Variants in MBTD1 observed in about 807,000 individuals in gnomAD.
The protein encoded by MBTD1 is MBT domain-containing protein 1.
MBTD1 carries 24 observed loss-of-function variants against 87.8 expected under a neutral mutation model. The ratio of observed to expected loss-of-function variants is 0.27; its 90% confidence interval spans 0.20 to 0.38. MBTD1 has a LOEUF of 0.38. Ranked by LOEUF, MBTD1 falls within the 10% of genes least tolerant of loss-of-function variation. MBTD1 has a pLI of 1.00. For missense variants in MBTD1, 436 were observed against 760.2 expected (o/e 0.57, Z 5.02); for synonymous variants, 237 against 248.6 (o/e 0.95, Z 0.44).
At chr17:51,183,664 CTTCCT>C (rs2050415238) in intron 16 of MBTD1, 1 of 152,172 alleles carries the variant, frequency 6.6e-6, no homozygotes, top group South Asian at 2.1e-4. Context: ...GCAGTTAGTT[CTTCCT>C]TTCATTAAAA....
intron 5 of MBTD1, among the ~76,000 whole-genome samples, 171 bp from the exon 6 acceptor site, chr17:51,217,587 T>C (rs891108632): frequency 1.3e-5 from 2 of 152,202 alleles, no homozygotes; most frequent in Non-Finnish European, 2.9e-5. Context: ...CTTTGGCTTA[T>C]ATCATATTTG....
chr17:51,198,869 C>T (rs1042339137), intron 12 of MBTD1, among the ~76,000 whole-genome samples: 3 of 152,342 alleles, frequency 2.0e-5, no homozygotes, highest in African/African-American at 2.4e-5. Context: ...GTGGCTCGAT[C>T]TCAGCTCACT....
In MBTD1 at chr17:51,195,220, G is replaced by A; in HGVS notation, c.1366C>T (p.Pro456Ser). 1 of 1,611,170 alleles carries A rather than the reference G, an allele frequency of 6.2e-7. No homozygotes were observed. The highest frequency in any genetic ancestry group is 8.5e-7 in the Non-Finnish European group (1 of 1,179,120). Reference sequence around the variant, plus strand: ...TTATATTAGGATGAAGTACCTCTGGGTGGAGTAAGTTCAATCATGTTAATT... The same window carrying A: ...TTATATTAGGATGAAGTACCTCTGGATGGAGTAAGTTCAATCATGTTAATT... ...CEINMIELTP[P>S]RGYTKLPFKW... Residue 456 changes from proline (P) to serine (S), a missense_variant, in exon 13 of 17, where the codon CCC becomes TCC. Physicochemically the swap from Pro to Ser is moderately conservative, Grantham distance 74. This residue lies in a region of MBTD1 where 80 missense variants were observed against 182.2 expected (regional missense o/e 0.44). Coordinates refer to ENST00000586178, the MANE Select transcript of MBTD1 (RefSeq NM_017643.3).
upstream of MBTD1, chr17:51,260,950 G>A (rs953725339): frequency 2.0e-5 from 30 of 1,497,802 alleles, no homozygotes; most frequent in East Asian, 2.8e-5. Flanking sequence ...CGGCGCGCGG[G>A]CTGGGCGCAC....
intron 2 of MBTD1, among the ~76,000 whole-genome samples, chr17:51,258,214 T>C (rs913461901): frequency 3.9e-5 from 6 of 152,200 alleles, no homozygotes; most frequent in African/African-American, 1.4e-4. Flanking sequence ...TTAAATCACA[T>C]GCATTATTTC....
At chr17:51,194,592 A>AAAAAAAAAAAAAAAAAAAAC (rs2050985534) in intron 13 of MBTD1, among the ~76,000 whole-genome samples, 1 of 148,012 alleles carries the variant, frequency 6.8e-6, no homozygotes. Context: ...AAAAAAAAAA[A>AAAAAAAAAAAAAAAAAAAAC]GTCCACATGG....
intron 7 of MBTD1, 82 bp downstream of exon 7, chr17:51,206,806 C>T: frequency 1.0e-6 from 1 of 1,003,806 alleles, no homozygotes; most frequent in Non-Finnish European, 1.5e-6. Flanking sequence ...GCAATACTTG[C>T]AAAATTTATA....
chr17:51,201,586 T>A lies in MBTD1; in HGVS notation c.1224+6A>T. On this transcript the variant is annotated splice_donor_region_variant and intron_variant, in intron 12 of 16. Transcript: ENST00000586178. Reference sequence around the variant, plus strand: ...CATTTCTATATTTTAAAACCTATTATCTTACCTTTCTAATGGTTGCGACAC... The same window carrying A: ...CATTTCTATATTTTAAAACCTATTAACTTACCTTTCTAATGGTTGCGACAC... 1 of 1,555,764 alleles carries A rather than the reference T, an allele frequency of 6.4e-7. No homozygotes were observed. Among genetic ancestry groups the A allele is most frequent in the East Asian group, 2.2e-5 (1 of 44,470 alleles).
Position 51,180,699 on chromosome 17 carries a change from A to G in MBTD1, c.1769-5T>C. ...CCTTCAGCTGCAGTGTTGTCACTGA[A>G]TGAAAGAGAGAGAAACATATGGGCA... On this transcript the variant is annotated splice_polypyrimidine_tract_variant and splice_region_variant and intron_variant, in intron 16 of 16. Transcript: ENST00000586178. The G allele has an allele frequency of 6.8e-7, 1 of 1,473,220 alleles. No homozygotes were observed. Among genetic ancestry groups the G allele is most frequent in the Non-Finnish European group, 9.3e-7 (1 of 1,075,598 alleles). 91.3% of individuals were successfully genotyped at this position (1,473,220 alleles called of 1,614,324 possible). A position where few individuals can be genotyped will look rare whatever the true frequency, so the allele number is the denominator to read the frequency against.
rs2144359379 is a variant in MBTD1 at position 51,259,821 on chromosome 17, C to G, written c.-113+14G>C. Reference sequence around the variant, plus strand: ...CACCTGGCACACAAAGCGGCTGCCGCGCTCGGCTCTCACCAGATCCTTTGT... The same window carrying G: ...CACCTGGCACACAAAGCGGCTGCCGGGCTCGGCTCTCACCAGATCCTTTGT... On this transcript the variant is annotated intron_variant, in intron 1 of 16. Coordinates refer to ENST00000586178, the MANE Select transcript of MBTD1 (RefSeq NM_017643.3). 1 of 1,232,516 alleles carries G rather than the reference C, an allele frequency of 8.1e-7. No homozygotes were observed. Among genetic ancestry groups the G allele is most frequent in the Non-Finnish European group, 1.0e-6 (1 of 988,346 alleles). The allele number at this position is 1,232,516 out of a possible 1,614,324, so 76.3% of individuals were successfully genotyped here. A position where few individuals can be genotyped will look rare whatever the true frequency, so the allele number is the denominator to read the frequency against.
chr17:51,243,981 A>G (rs932009738), intron 2 of MBTD1, among the ~76,000 whole-genome samples: 4 of 152,206 alleles, frequency 2.6e-5, no homozygotes, highest in Non-Finnish European at 5.9e-5. Flanking sequence ...CCAGAGTCAC[A>G]AGATTCCTAT....
intron 16 of MBTD1, among the ~76,000 whole-genome samples, chr17:51,181,662 C>T (rs1252140725): frequency 6.6e-6 from 1 of 152,050 alleles, no homozygotes; most frequent in African/African-American, 2.4e-5. Context: ...GTGTACCTCT[C>T]CTCCTACCAA....
chr17:51,179,498 A>ATATATATTTT lies in MBTD1; in HGVS notation c.*1077_*1078insAAAATATATA, dbSNP rs1555673737. The ATATATATTTT allele has an allele frequency of 3.4e-5, 2 of 58,434 alleles. No individual in the cohort carries two copies. Among genetic ancestry groups the ATATATATTTT allele is most frequent in the Non-Finnish European group, 4.0e-5 (1 of 25,306 alleles). The allele number at this position is 58,434 out of a possible 1,614,324, so 3.6% of individuals were successfully genotyped here. On this transcript the variant is annotated 3_prime_UTR_variant, in exon 17 of 17. Coordinates refer to ENST00000586178, the MANE Select transcript of MBTD1 (RefSeq NM_017643.3). ...TAAAGACAATTTTATATATATATAT[A>ATATATATTTT]TATATATATATATATATATATATAT... is the stretch of plus-strand genomic sequence containing the variant.
At chr17:51,210,892 T>C (rs187496474) in intron 6 of MBTD1, among the ~76,000 whole-genome samples, 443 of 152,294 alleles carry the variant, frequency 2.9e-3, no homozygotes, top group Non-Finnish European at 4.5e-3. Flanking sequence ...CGCCAAGGAC[T>C]TTGGGAGGCC....
At chr17:51,252,255 C>A (rs926091197) in intron 2 of MBTD1, among the ~76,000 whole-genome samples, 3 of 152,136 alleles carry the variant, frequency 2.0e-5, no homozygotes, top group Middle Eastern at 3.2e-3. Context: ...GATCATATAA[C>A]CACCATGAAC....
intron 6 of MBTD1, among the ~76,000 whole-genome samples, chr17:51,212,153 T>A (rs1341240017): frequency 6.6e-6 from 1 of 151,528 alleles, no homozygotes; most frequent in Non-Finnish European, 1.5e-5. Flanking sequence ...AGGTCAGGAG[T>A]TCGAGAACAG....
chr17:51,185,672 C>G (rs2050503450), intron 16 of MBTD1: 1 of 152,116 alleles, frequency 6.6e-6, no homozygotes, highest in Non-Finnish European at 1.5e-5. Context: ...TTTAATCAGA[C>G]TTATCCCTAA....
At chr17:51,232,774 A>C (rs986437173) in intron 2 of MBTD1, among the ~76,000 whole-genome samples, 3 of 152,152 alleles carry the variant, frequency 2.0e-5, no homozygotes, top group South Asian at 4.1e-4. Context: ...ACAGTGGCTC[A>C]TGTCTATAAT....
chr17:51,201,538 C>T lies in MBTD1; in HGVS notation c.1224+54G>A, dbSNP rs560519335. On this transcript the variant is annotated intron_variant, in intron 12 of 16. Coordinates refer to ENST00000586178, the MANE Select transcript of MBTD1 (RefSeq NM_017643.3). Reference sequence around the variant, plus strand: ...TATGCTTGGGGACTCCTTCTATTAGCTTATACCCAAATCCTATAATTGCAT... The same window carrying T: ...TATGCTTGGGGACTCCTTCTATTAGTTTATACCCAAATCCTATAATTGCAT... 195 of 1,169,468 alleles carry T rather than the reference C, an allele frequency of 1.7e-4. 1 individual carries two copies. The African/African-American group carries it at 2.6e-3, about 15-fold the overall frequency. The allele number at this position is 1,169,468 out of a possible 1,614,324, so 72.4% of individuals were successfully genotyped here. A position where few individuals can be genotyped will look rare whatever the true frequency, so the allele number is the denominator to read the frequency against.
Sources: gnomAD v4.1 joint callset for allele counts (sites outside exome capture counted in the v4.1 genomes callset) on GRCh38, gnomAD v4.1.1 for gene constraint, gnomAD v4.1.1 regional missense constraint, MANE v1.5 for transcripts, NCBI Gene and HGNC (gene_info 2026-07-23, HGNC 2026-07-21) for gene names.